Variants in NRG1 observed in about 807,000 individuals in gnomAD.
NRG1 encodes the protein neuregulin 1.
NRG1 carries 18 observed loss-of-function variants against 63.8 expected under a neutral mutation model. That is an observed-to-expected ratio of 0.28 (90% CI 0.19 to 0.42). The LOEUF is 0.42. Among genes scored for constraint, NRG1 ranks in the 10% least tolerant of loss-of-function variants. The probability of loss-of-function intolerance (pLI) is 1.00; values close to 1 mark genes in which losing one functional copy is unlikely to be tolerated. For missense variants in NRG1, 762 were observed against 814.7 expected (o/e 0.94, Z 0.79); for synonymous variants, 302 against 301.3 (o/e 1.00, Z -0.02).
intron 1 of NRG1, among the ~76,000 whole-genome samples, chr8:32,058,207 T>A (rs889544658): frequency 5.3e-5 from 8 of 152,120 alleles, no homozygotes; most frequent in African/African-American, 1.9e-4. Context: ...ATCATGAAAT[T>A]TTATAGGGAA....
intron 5 of NRG1, among the ~76,000 whole-genome samples, chr8:32,725,804 G>A (rs1021983594): frequency 4.0e-5 from 6 of 151,888 alleles, no homozygotes; most frequent in African/African-American, 1.5e-4. Context: ...GGCAATTGCC[G>A]TGGATGAAAA....
At chr8:32,334,977 C>T (rs929518701) in intron 1 of NRG1, among the ~76,000 whole-genome samples, 1 of 152,104 alleles carries the variant, frequency 6.6e-6, no homozygotes, top group Non-Finnish European at 1.5e-5. Context: ...ATTTCTCTTA[C>T]AACAGCCCTG....
intron 1 of NRG1, among the ~76,000 whole-genome samples, chr8:31,771,258 A>G (rs1818595945): frequency 6.6e-6 from 1 of 152,148 alleles, no homozygotes; most frequent in Non-Finnish European, 1.5e-5. Context: ...CAACCTTTTG[A>G]GATTGACTTT....
chr8:32,326,997 A>G (rs1254420809), intron 1 of NRG1, among the ~76,000 whole-genome samples: 1 of 152,196 alleles, frequency 6.6e-6, no homozygotes, highest in Non-Finnish European at 1.5e-5. Flanking sequence ...CTCATCAAAG[A>G]GGTCTTGGAA....
intron 1 of NRG1, among the ~76,000 whole-genome samples, chr8:32,477,363 C>A (rs1824658347): frequency 6.6e-6 from 1 of 152,146 alleles, no homozygotes; most frequent in Non-Finnish European, 1.5e-5. Flanking sequence ...ATCATCAATA[C>A]CAATGAGCCC....
At chr8:31,956,120 C>T (rs1290709573) in intron 1 of NRG1, among the ~76,000 whole-genome samples, 2 of 151,888 alleles carry the variant, frequency 1.3e-5, no homozygotes, top group African/African-American at 4.8e-5. Flanking sequence ...GCATTATTCC[C>T]CCATATACTG....
chr8:32,748,030 A>C (rs1257909266), intron 7 of NRG1, among the ~76,000 whole-genome samples: 1 of 151,954 alleles, frequency 6.6e-6, no homozygotes, highest in East Asian at 1.9e-4. Context: ...ACATGTCCAA[A>C]GTCACTAAAA....
rs566581974 is a variant in NRG1 at position 31,939,821 on chromosome 8, A to G, written c.37+300390A>G. Among the ~76,000 whole-genome samples, 4 of 152,282 alleles carry G rather than the reference A, an allele frequency of 2.6e-5. No homozygotes were observed. The East Asian group carries it at 7.7e-4, about 29-fold the overall frequency. ...GCAACAGCAGTTTAAAAAGACAAAT[A>G]TGTTCATTATATAATGTTAAAGGGA... On this transcript the variant is annotated intron_variant, in intron 1 of 10. Transcript: ENST00000519301.
chr8:32,129,284 G>A lies in NRG1; in HGVS notation c.38-466544G>A, dbSNP rs551324426. The stretch of plus-strand genomic sequence containing the variant: ...TAGAACAACAGAAATTTATCCTGTC[G>A]TACTTCTAGAGGGTGGGGGTCTGAA... On this transcript the variant is annotated intron_variant, in intron 1 of 10. Transcript: ENST00000519301. Among the ~76,000 whole-genome samples the A allele has an allele frequency of 6.6e-5, 10 of 152,016 alleles. No homozygotes were observed. The South Asian group carries it at 2.1e-3, about 32-fold the overall frequency.
chr8:31,738,525 T>C (rs1482527190), intron 1 of NRG1, among the ~76,000 whole-genome samples: 2 of 152,126 alleles, frequency 1.3e-5, no homozygotes, highest in African/African-American at 4.8e-5. Context: ...CACATTATTA[T>C]CATACCATTA....
In NRG1 at chr8:32,573,921, C is replaced by T. The variant is rs111724633; in HGVS notation, c.101-21907C>T. Among the ~76,000 whole-genome samples, 1,170 of 152,066 alleles carry T rather than the reference C, an allele frequency of 7.7e-3. 9 individuals are homozygous for T. The highest frequency in any genetic ancestry group is 0.013 in the Non-Finnish European group (857 of 67,996). On this transcript the variant is annotated intron_variant, in intron 1 of 11. Coordinates refer to ENST00000356819, the Ensembl canonical transcript of NRG1. The stretch of plus-strand genomic sequence containing the variant: ...TGCAGTGTTTGGTTTTTTGTCCTTG[C>T]GATAGTTTGCTGAGAATGATGATTT...
intron 1 of NRG1, among the ~76,000 whole-genome samples, chr8:32,491,665 G>C (rs571994826): frequency 6.6e-6 from 1 of 152,210 alleles, no homozygotes; most frequent in African/African-American, 2.4e-5. Flanking sequence ...AGAGGAAAAA[G>C]CTGTTTTAGT....
At chr8:32,406,854 C>T (rs1814061793) in intron 1 of NRG1, among the ~76,000 whole-genome samples, 1 of 152,048 alleles carries the variant, frequency 6.6e-6, no homozygotes, top group Non-Finnish European at 1.5e-5. Context: ...GGAACTCTGG[C>T]AGCAAATGAA....
intron 1 of NRG1, among the ~76,000 whole-genome samples, chr8:32,160,924 G>C (rs1838755431): frequency 6.6e-6 from 1 of 152,100 alleles, no homozygotes; most frequent in Non-Finnish European, 1.5e-5. Flanking sequence ...TCAACTAGCT[G>C]CATTTATGGA....
chr8:31,751,464 A>T (rs1412860937), intron 1 of NRG1, among the ~76,000 whole-genome samples: 1 of 151,990 alleles, frequency 6.6e-6, no homozygotes, highest in Non-Finnish European at 1.5e-5. Flanking sequence ...ACATGGCTGA[A>T]GGACAGAGAG....
At chr8:32,717,842 C>T (rs1376977906) in intron 5 of NRG1, among the ~76,000 whole-genome samples, 1 of 152,192 alleles carries the variant, frequency 6.6e-6, no homozygotes, top group Non-Finnish European at 1.5e-5. Context: ...ACCCGAAACA[C>T]TTGGAAGATT....
intron 1 of NRG1, among the ~76,000 whole-genome samples, chr8:31,724,451 T>C (rs894586917): frequency 6.6e-6 from 1 of 152,142 alleles, no homozygotes; most frequent in Non-Finnish European, 1.5e-5. Context: ...GAAACTTGTG[T>C]TTCTTCTTTG....
At chr8:32,559,256 A>AAAAAAAAAAAAAAAAAT (rs1393676483) in intron 1 of NRG1, among the ~76,000 whole-genome samples, 1 of 150,448 alleles carries the variant, frequency 6.6e-6, no homozygotes, top group Non-Finnish European at 1.5e-5. Flanking sequence ...AAAAAAAAAA[A>AAAAAAAAAAAAAAAAAT]AAAAAAATCA....
intron 1 of NRG1, among the ~76,000 whole-genome samples, chr8:32,166,188 G>A (rs548854718): frequency 6.6e-6 from 1 of 152,240 alleles, no homozygotes; most frequent in East Asian, 1.9e-4. Flanking sequence ...CTATACCCTT[G>A]TGCTACTTAG....
Sources: allele counts gnomAD v4.1 joint callset (sites outside exome capture counted in the v4.1 genomes callset), GRCh38; gene constraint gnomAD v4.1.1; transcripts MANE v1.5; gene names NCBI Gene and HGNC (gene_info 2026-07-23, HGNC 2026-07-21).